SNX29: variants seen among roughly 807,000 people sequenced by gnomAD.
The protein encoded by SNX29 is sorting nexin 29.
SNX29 carries 78 observed loss-of-function variants against 102.1 expected under a neutral mutation model. That is an observed-to-expected ratio of 0.76 (90% CI 0.64 to 0.92). The LOEUF is 0.92. Among genes scored for constraint, SNX29 ranks in the 40% least tolerant of loss-of-function variants. The pLI, the probability that SNX29 is intolerant of heterozygous loss-of-function variation, is 0.00. For synonymous variants in SNX29, 580 were observed against 414.5 expected (o/e 1.40, Z -4.85); for missense variants, 1,280 against 1,061.7 (o/e 1.21, Z -2.86).
At position 12,264,730 on chromosome 16, in the gene SNX29, C is replaced by T. The variant is rs528728028; in HGVS notation, c.1679-13203C>T. On this transcript the variant is annotated intron_variant, in intron 14 of 20. Coordinates refer to ENST00000566228, the MANE Select transcript of SNX29 (RefSeq NM_032167.5). ...CCGGGAGGCATAGGTTGCAGTGAGC[C>T]GAGATCATGCCACTGCACTCCAACG... Among the ~76,000 whole-genome samples the T allele has an allele frequency of 1.3e-4, 20 of 150,590 alleles. No individual in the cohort carries two copies. In the South Asian group the frequency reaches 2.8e-3, roughly 21 times the overall value.
intron 14 of SNX29, among the ~76,000 whole-genome samples, chr16:12,213,860 C>T (rs1412541561): frequency 1.3e-5 from 2 of 152,164 alleles, no homozygotes; most frequent in Non-Finnish European, 2.9e-5. Flanking sequence ...GCTTATTTGG[C>T]AGATAAGGAA....
At chr16:12,436,140 G>A (rs1379396878) in intron 18 of SNX29, among the ~76,000 whole-genome samples, 2 of 152,162 alleles carry the variant, frequency 1.3e-5, no homozygotes, top group East Asian at 3.9e-4. Flanking sequence ...TTTTCCAAAG[G>A]GGATTAAAGC....
intron 20 of SNX29, among the ~76,000 whole-genome samples, chr16:12,537,479 AT>A (rs34568407): frequency 0.12 from 18,610 of 152,150 alleles, 1,375 homozygotes; most frequent in Non-Finnish European, 0.16. Flanking sequence ...CATCTATAAA[AT>A]TGGTGATAGT....
In SNX29 at chr16:12,048,428, A is replaced by G; in HGVS notation, c.556A>G (p.Ser186Gly). ...CGACAACAAGGATTTGAACGGGCAG[A>G]GTAAGTTTGCTCCCACCGTTTCAGA... ...NIDNKDLNGQ[S>G]KFAPTVSDLL... is the part of the protein sequence containing the mutation. Residue 186 changes from serine (S) to glycine (G), a missense_variant, in exon 7 of 21, where the codon AGT becomes GGT. By Grantham distance (56) the Ser-to-Gly change is moderately conservative (BLOSUM62 0). Transcript: ENST00000566228. 1 of 1,613,816 alleles carries G rather than the reference A, an allele frequency of 6.2e-7. No individual in the cohort carries two copies. Among genetic ancestry groups the G allele is most frequent in the Non-Finnish European group, 8.5e-7 (1 of 1,179,852 alleles).
intron 18 of SNX29, among the ~76,000 whole-genome samples, chr16:12,427,659 A>G (rs2085137268): frequency 2.0e-5 from 3 of 152,244 alleles, no homozygotes; most frequent in Admixed American, 2.0e-4. Context: ...GGCCAGAGAC[A>G]ATGCCTGTGC....
rs57116555 is a variant in SNX29 at position 12,560,135 on chromosome 16, TCCC to T, written c.2319-8364_2319-8362del. Among the ~76,000 whole-genome samples the T allele has an allele frequency of 3.7e-5, 5 of 135,514 alleles. No homozygotes were observed. In the South Asian group the frequency reaches 1.2e-3, roughly 33 times the overall value. 88.9% of individuals were successfully genotyped at this position (135,514 alleles called of 152,430 possible). A position where few individuals can be genotyped will look rare whatever the true frequency, so the allele number is the denominator to read the frequency against. ...AAGCTATTCTAGTTCTGTGTTCCCC[TCCC>T]CCCCCCAACAAACAGTAAAGCCTTT... On this transcript the variant is annotated intron_variant, in intron 20 of 20. Transcript: ENST00000566228.
chr16:12,535,255 C>A lies in SNX29; in HGVS notation c.2318+10414C>A, dbSNP rs372009623. On this transcript the variant is annotated intron_variant, in intron 20 of 20. Transcript: ENST00000566228. ...CTGGGCTCAAGCGACTTTTGTGCTTCAGCCTCCCAAGTAGCTGGGATTACA... is the reference window on the plus strand; with the variant it reads ...CTGGGCTCAAGCGACTTTTGTGCTTAAGCCTCCCAAGTAGCTGGGATTACA... Among the ~76,000 whole-genome samples, 14 of 152,316 alleles carry A rather than the reference C, an allele frequency of 9.2e-5. No homozygotes were observed. In the East Asian group the frequency reaches 1.7e-3, roughly 19 times the overall value.
chr16:12,106,962 C>T (rs1302009985), intron 11 of SNX29, among the ~76,000 whole-genome samples: 1 of 152,086 alleles, frequency 6.6e-6, no homozygotes, highest in East Asian at 1.9e-4. Flanking sequence ...ACTACAGGTG[C>T]ATGTCACCAT....
Position 12,098,732 on chromosome 16 carries a change from C to T in SNX29, c.1402+19817C>T, listed in dbSNP as rs561455129. Among the ~76,000 whole-genome samples the T allele has an allele frequency of 9.2e-5, 14 of 152,348 alleles. No individual in the cohort carries two copies. Among genetic ancestry groups the T allele is most frequent in the African/African-American group, 3.4e-4 (14 of 41,582 alleles). ...AAGATCAAGAGGCTAGCTTTGTCAT[C>T]AGTAAAGCTGGTTGGAAAACAGAGC... On this transcript the variant is annotated intron_variant, in intron 11 of 20. Coordinates refer to ENST00000566228, the MANE Select transcript of SNX29 (RefSeq NM_032167.5). This position sits in a 1 kb window ranked among gnomAD's most constrained non-coding sequence, Gnocchi z 6.0.
intron 13 of SNX29, among the ~76,000 whole-genome samples, chr16:12,151,303 C>CA (rs72191673): frequency 0.21 from 31,813 of 152,116 alleles, 3,478 homozygotes; most frequent in Middle Eastern, 0.26. Flanking sequence ...TCACCACACA[C>CA]ACACTATTAC....
At chr16:12,184,119 G>A (rs191447449) in intron 13 of SNX29, among the ~76,000 whole-genome samples, 11 of 152,132 alleles carry the variant, frequency 7.2e-5, no homozygotes, top group African/African-American at 2.4e-4. Context: ...TCTTTCTTGC[G>A]TGAGATCCAA....
intron 14 of SNX29, among the ~76,000 whole-genome samples, chr16:12,265,486 C>T (rs1196720685): frequency 6.6e-6 from 1 of 152,084 alleles, no homozygotes; most frequent in Non-Finnish European, 1.5e-5. Flanking sequence ...AGGAAAGACA[C>T]ATGAGACATG....
At chr16:12,072,723 GA>G (rs2051359784) in intron 10 of SNX29, among the ~76,000 whole-genome samples, 1 of 152,078 alleles carries the variant, frequency 6.6e-6, no homozygotes, top group Non-Finnish European at 1.5e-5. Flanking sequence ...CTATTGATTG[GA>G]ATAGTTTCAG....
intron 20 of SNX29, among the ~76,000 whole-genome samples, chr16:12,551,516 T>C (rs927111704): frequency 6.6e-6 from 1 of 152,206 alleles, no homozygotes; most frequent in African/African-American, 2.4e-5. Context: ...AGCATCAGGA[T>C]CTTTTTAAAG....
At chr16:12,380,336 C>G (rs888330579) in intron 16 of SNX29, among the ~76,000 whole-genome samples, 2 of 132,246 alleles carry the variant, frequency 1.5e-5, no homozygotes, top group African/African-American at 2.8e-5. Context: ...ACCCATACCC[C>G]CCACCCACCC....
intron 19 of SNX29, among the ~76,000 whole-genome samples, chr16:12,488,102 G>T (rs1038609692): frequency 6.6e-6 from 1 of 152,110 alleles, no homozygotes; most frequent in African/African-American, 2.4e-5. Flanking sequence ...GGTTTCTTGG[G>T]AGGACTTTTC....
chr16:12,186,237 A>G (rs1008109641), intron 13 of SNX29, among the ~76,000 whole-genome samples: 1 of 152,156 alleles, frequency 6.6e-6, no homozygotes, highest in Middle Eastern at 3.2e-3. Context: ...TTTTTAAAAA[A>G]TCTTTATTTT....
chr16:12,052,099 A>C lies in SNX29; in HGVS notation c.1001A>C (p.Glu334Ala). The stretch of plus-strand genomic sequence containing the variant: ...ATTGATTCCCTGTCTTTGAACGGGG[A>C]GTTTGGGTACCAGAAGCTTGATGTG... ...WKIDSLSLNG[E>A]FGYQKLDVKS... Residue 334 changes from glutamate to alanine, a missense_variant, in exon 8 of 21, where the codon GAG (glutamate) becomes GCG (alanine). Transcript: ENST00000566228. 1 of 1,613,804 alleles carries C rather than the reference A, an allele frequency of 6.2e-7. No individual in the cohort carries two copies. Among genetic ancestry groups the C allele is most frequent in the East Asian group, 2.2e-5 (1 of 44,868 alleles).
chr16:12,182,669 T>A (rs1241035546), intron 13 of SNX29, among the ~76,000 whole-genome samples: 1 of 152,066 alleles, frequency 6.6e-6, no homozygotes, highest in African/African-American at 2.4e-5. Context: ...ATGCAGTGGC[T>A]TACACCTCCC....
Sources: gnomAD v4.1 joint callset for allele counts (sites outside exome capture counted in the v4.1 genomes callset) on GRCh38, gnomAD v4.1.1 for gene constraint, Gnocchi (gnomAD v3.1) non-coding constraint, MANE v1.5 for transcripts, NCBI Gene and HGNC (gene_info 2026-07-23, HGNC 2026-07-21) for gene names.